The following ABCC12 variants were observed in gnomAD, a reference collection of about 807,000 sequenced individuals.
The protein encoded by ABCC12 is ATP binding cassette subfamily C member 12.
In ABCC12, 142 loss-of-function variants were observed where a neutral mutation model predicts 151.1. That is an observed-to-expected ratio of 0.94 (90% CI 0.82 to 1.08). The LOEUF (loss-of-function observed/expected upper bound fraction) is 1.08. ABCC12 is among the 50% of genes least tolerant of loss of function. The probability of loss-of-function intolerance (pLI) is 0.00; values close to 1 mark genes in which losing one functional copy is unlikely to be tolerated. For synonymous variants in ABCC12, 645 were observed against 646.4 expected, an observed-to-expected ratio of 1.00 and a Z score of 0.03; for missense variants, 1,638 against 1,691.1, an observed-to-expected ratio of 0.97 and a Z score of 0.55.
At chr16:48,125,165 A>C (rs1354341679) in intron 11 of ABCC12, among the ~76,000 whole-genome samples, 1 of 152,182 alleles carries the variant, frequency 6.6e-6, no homozygotes, top group Non-Finnish European at 1.5e-5. Flanking sequence ...GAAGAGGAGA[A>C]GTGATACAGG....
intron 11 of ABCC12, among the ~76,000 whole-genome samples, chr16:48,125,676 C>G (rs1484512286): frequency 6.6e-6 from 1 of 152,208 alleles, no homozygotes; most frequent in African/African-American, 2.4e-5. Context: ...TGTAGGCCTG[C>G]TCCCTGCAAT....
intron 28 of ABCC12, chr16:48,086,133 A>G (rs993972961): frequency 5.6e-6 from 1 of 177,366 alleles, no homozygotes; most frequent in African/African-American, 2.4e-5. Context: ...GAAGATGCTC[A>G]TGTCGGTACC....
In ABCC12 at chr16:48,111,921, A is replaced by C; in HGVS notation, c.1990-11T>G. The stretch of plus-strand genomic sequence containing the variant: ...ACAAGACTCTAAGAACTGCAGAAGT[A>C]AGTGATCGACAATGAACTTCTGCCT... On this transcript the variant is annotated splice_polypyrimidine_tract_variant and intron_variant, in intron 15 of 30. Coordinates refer to ENST00000311303, the MANE Select transcript of ABCC12 (RefSeq NM_001393797.1). 6.2e-7 allele frequency: 1 copy of C among 1,612,398 alleles called. No homozygotes were observed. The highest frequency in any genetic ancestry group is 8.5e-7 in the Non-Finnish European group (1 of 1,179,186).
At chr16:48,116,706 T>C (rs1419251409) in intron 14 of ABCC12, among the ~76,000 whole-genome samples, 2 of 152,152 alleles carry the variant, frequency 1.3e-5, no homozygotes, top group Non-Finnish European at 2.9e-5. Flanking sequence ...AGCTTTAGCC[T>C]TCTGATCTCC....
intron 8 of ABCC12, among the ~76,000 whole-genome samples, chr16:48,135,161 C>A (rs957665122): frequency 1.1e-4 from 16 of 152,144 alleles, no homozygotes; most frequent in African/African-American, 3.9e-4. Context: ...TTTAGCCCTG[C>A]CTTTAAAAAC....
chr16:48,088,786 T>G, intron 25 of ABCC12, 52 bp from the exon 26 acceptor site: 1 of 1,463,100 alleles, frequency 6.8e-7, no homozygotes, highest in Non-Finnish European at 9.4e-7. Context: ...TTTTTTCACT[T>G]ATTTAACTAA....
Position 48,130,812 on chromosome 16 carries a change from C to A in ABCC12, c.1212G>T (p.Ala404=). ...LPFSIKAMAE[A]NVSLRRMKKI... ...CCTTCATTCTCCTTAGAGAGACATT[C>A]GCTTCAGCCATTGCTTTGATGGAGA... Residue 404 remains alanine, a synonymous_variant, in exon 10 of 31, where the codon GCG becomes GCT. Transcript: ENST00000311303. 1.2e-6 allele frequency: 2 copies of A among 1,612,810 alleles called. No homozygotes were observed. Among genetic ancestry groups the A allele is most frequent in the East Asian group, 4.5e-5 (2 of 44,872 alleles).
At chr16:48,123,351 A>C (rs940677907) in intron 12 of ABCC12, among the ~76,000 whole-genome samples, 36 of 152,190 alleles carry the variant, frequency 2.4e-4, no homozygotes, top group African/African-American at 8.4e-4. Context: ...GGGTGACCTC[A>C]GGAACTCATC....
intron 13 of ABCC12, among the ~76,000 whole-genome samples, chr16:48,117,711 C>T (rs1963935137): frequency 6.6e-6 from 1 of 152,162 alleles, no homozygotes; most frequent in Non-Finnish European, 1.5e-5. Flanking sequence ...GGGATGGCCT[C>T]CTGGGGGTCA....
chr16:48,086,880 G>T, intron 27 of ABCC12, 61 bp from the exon 28 acceptor site: 1 of 1,425,538 alleles, frequency 7.0e-7, no homozygotes. Context: ...GGATGGATGC[G>T]GAGCAGGTTT....
rs199509150 is a variant in ABCC12, at chr16:48,115,542, C to T, written c.1862G>A (p.Arg621His). 45 of 1,614,204 alleles carry T rather than the reference C, an allele frequency of 2.8e-5. No individual in the cohort carries two copies. Among genetic ancestry groups the T allele is most frequent in the South Asian group, 8.8e-5 (8 of 91,090 alleles). Residue 621 changes from arginine to histidine, a missense_variant, in exon 15 of 31, where the codon CGT becomes CAT. Arg to His is a conservative substitution (Grantham distance 29, BLOSUM62 0). Coordinates refer to ENST00000311303, the MANE Select transcript of ABCC12 (RefSeq NM_001393797.1). ...GGGGTCGTCCAGCAGGTAGAGCTGA[C>T]GGTCGGAGTAGACAGCGCGGGCCAG... ...ISLARAVYSD[R>H]QLYLLDDPLS...
intron 14 of ABCC12, 101 bp downstream of exon 14, chr16:48,117,160 C>T: frequency 9.0e-7 from 1 of 1,109,356 alleles, no homozygotes; most frequent in East Asian, 2.6e-5. Context: ...GTCCTTGGGG[C>T]ATCTGGATGT....
rs1172949155 is a variant in ABCC12, at chr16:48,117,331, T to C, written c.1715A>G (p.Tyr572Cys). The C allele has an allele frequency of 1.2e-6, 2 of 1,613,656 alleles. No homozygotes were observed. Among genetic ancestry groups the C allele is most frequent in the Admixed American group, 3.3e-5 (2 of 59,964 alleles). The change falls in exon 14 of 31, where the codon TAT becomes TGT. Residue 572 changes from tyrosine to cysteine, a missense_variant and splice_region_variant. Transcript: ENST00000311303. Reference sequence around the variant, plus strand: ...GCCACAGACGCGGACTGTGTGCTGATACCTGTTGGTGCAAAGCTCAGAAGT... The same window carrying C: ...GCCACAGACGCGGACTGTGTGCTGACACCTGTTGGTGCAAAGCTCAGAAGT... ...LFGEKYDHQR[Y>C]QHTVRVCGLQ...
chr16:48,086,728 C>G lies in ABCC12; in HGVS notation c.3714+13G>C. On this transcript the variant is annotated intron_variant, in intron 28 of 30. Transcript: ENST00000311303. ...GGGAAACAAACTCCTCCTCAACAGCCCCAGAGACCTACTGTGTCTCTCATG... is the reference window on the plus strand; with the variant it reads ...GGGAAACAAACTCCTCCTCAACAGCGCCAGAGACCTACTGTGTCTCTCATG... The G allele has an allele frequency of 1.9e-6, 3 of 1,606,778 alleles. No homozygotes were observed. Among genetic ancestry groups the G allele is most frequent in the Non-Finnish European group, 2.6e-6 (3 of 1,173,534 alleles).
chr16:48,122,849 A>G (rs563799865), intron 12 of ABCC12, among the ~76,000 whole-genome samples: 69 of 152,242 alleles, frequency 4.5e-4, no homozygotes, highest in Non-Finnish European at 8.2e-4. Flanking sequence ...ATAGCCAACT[A>G]TTGCTTACAT....
At chr16:48,100,302 G>C (rs1034623390) in intron 23 of ABCC12, among the ~76,000 whole-genome samples, 1 of 152,172 alleles carries the variant, frequency 6.6e-6, no homozygotes, top group Non-Finnish European at 1.5e-5. Flanking sequence ...TTTGAAGCTG[G>C]AAGATGCCAG....
chr16:48,127,516 G>A (rs904781273), intron 11 of ABCC12, among the ~76,000 whole-genome samples: 2 of 152,156 alleles, frequency 1.3e-5, no homozygotes, highest in Admixed American at 6.5e-5. Flanking sequence ...AGTTTTTGCC[G>A]GTGGTTAAGA....
Position 48,083,720 on chromosome 16 carries a change from A to G in ABCC12, c.4075T>C (p.Leu1359=), listed in dbSNP as rs887223602. The change falls in exon 31 of 31, where the codon TTG becomes CTG. Residue 1359 remains leucine (L), a synonymous_variant. Transcript: ENST00000311303. The part of the protein sequence containing the change: ...FAMLLAAEVR[L] ...AGAATCAGCCGCCAGGACCTCTACA[A>G]TCTGACTTCTGCTGCTAGTAACATC... is the stretch of plus-strand genomic sequence containing the variant. The G allele has an allele frequency of 8.1e-6, 13 of 1,614,030 alleles. No homozygotes were observed. Among genetic ancestry groups the G allele is most frequent in the Admixed American group, 3.3e-5 (2 of 60,002 alleles).
rs186946973 is a variant in ABCC12 at position 48,103,208 on chromosome 16, C to T, written c.2900+934G>A. Among the ~76,000 whole-genome samples the T allele has an allele frequency of 2.2e-3, 334 of 152,236 alleles. 5 individuals are homozygous for T. The highest frequency in any genetic ancestry group is 7.5e-3 in the African/African-American group (311 of 41,520). Reference sequence around the variant, plus strand: ...TTTCAGATCTACAATAACTAACCCACTGGCTGGGCACGTCTAGGAGCATAA... The same window carrying T: ...TTTCAGATCTACAATAACTAACCCATTGGCTGGGCACGTCTAGGAGCATAA... On this transcript the variant is annotated intron_variant, in intron 22 of 30. Transcript: ENST00000311303.
Sources: allele counts gnomAD v4.1 joint callset (sites outside exome capture counted in the v4.1 genomes callset), GRCh38; gene constraint gnomAD v4.1.1; transcripts MANE v1.5; gene names NCBI Gene and HGNC (gene_info 2026-07-23, HGNC 2026-07-21).